ROBO2: variants seen among roughly 807,000 people sequenced by gnomAD.
ROBO2 encodes roundabout homolog 2.
ROBO2 carries 53 observed loss-of-function variants against 160.8 expected under a neutral mutation model. That is an observed-to-expected ratio of 0.33 (90% CI 0.26 to 0.41). The LOEUF (loss-of-function observed/expected upper bound fraction) is 0.41. Among genes scored for constraint, ROBO2 ranks in the 10% least tolerant of loss-of-function variants. ROBO2 has a pLI of 1.00. For synonymous variants in ROBO2, 664 were observed against 611.7 expected (o/e 1.09, Z -1.26); for missense variants, 1,577 against 1,722.4 (o/e 0.92, Z 1.49).
chr3:77,088,794 A>G (rs1314397014), intron 1 of ROBO2, among the ~76,000 whole-genome samples: 1 of 152,218 alleles, frequency 6.6e-6, no homozygotes, highest in African/African-American at 2.4e-5. Context: ...GACAGCAGAT[A>G]CAAGACCTAC....
intron 2 of ROBO2, among the ~76,000 whole-genome samples, chr3:76,106,405 A>T (rs2069934577): frequency 6.6e-6 from 1 of 152,176 alleles, no homozygotes; most frequent in South Asian, 2.1e-4. Context: ...ATTAATTCAA[A>T]AATAAGAAAA....
chr3:76,238,335 G>A (rs980392799), intron 2 of ROBO2, among the ~76,000 whole-genome samples: 2 of 152,144 alleles, frequency 1.3e-5, no homozygotes, highest in African/African-American at 2.4e-5. Context: ...ACTTCTTCAC[G>A]TGGTAGCAGG....
intron 2 of ROBO2, among the ~76,000 whole-genome samples, chr3:76,801,273 G>A (rs1210484441): frequency 6.6e-6 from 1 of 152,134 alleles, no homozygotes; most frequent in African/African-American, 2.4e-5. Context: ...GGGTCGTGTG[G>A]GAGTGGGAAA....
intron 1 of ROBO2, among the ~76,000 whole-genome samples, chr3:77,090,323 C>CTTTTTTT (rs542280937): frequency 1.3e-4 from 9 of 70,754 alleles, no homozygotes; most frequent in Admixed American, 3.6e-4. Context: ...CTAAACCACT[C>CTTTTTTT]TTTTTTTTTT....
intron 2 of ROBO2, among the ~76,000 whole-genome samples, chr3:76,534,086 A>G (rs1377570040): frequency 1.3e-5 from 2 of 152,148 alleles, no homozygotes; most frequent in African/African-American, 2.4e-5. Context: ...ATAAGAAAAG[A>G]TAAAGAATAT....
intron 2 of ROBO2, among the ~76,000 whole-genome samples, chr3:76,764,571 T>A (rs545772286): frequency 6.6e-6 from 1 of 151,874 alleles, no homozygotes; most frequent in South Asian, 2.1e-4. Context: ...TTTTCCAGGC[T>A]CATCTTTTAC....
At chr3:76,109,179 C>G (rs943370676) in intron 2 of ROBO2, among the ~76,000 whole-genome samples, 1 of 151,858 alleles carries the variant, frequency 6.6e-6, no homozygotes, top group Non-Finnish European at 1.5e-5. Flanking sequence ...AATAAACTAT[C>G]GCATGGATAG....
chr3:77,194,835 T>C (rs1468031406), intron 2 of ROBO2, among the ~76,000 whole-genome samples: 1 of 152,208 alleles, frequency 6.6e-6, no homozygotes, highest in African/African-American at 2.4e-5. Context: ...GGAATAGTTA[T>C]AGTATAAAGC....
chr3:76,437,994 A>C (rs994149027), intron 2 of ROBO2, among the ~76,000 whole-genome samples: 5 of 152,110 alleles, frequency 3.3e-5, no homozygotes, highest in African/African-American at 1.2e-4. Flanking sequence ...ACTTCTCTCA[A>C]CGATGTAAGA....
intron 2 of ROBO2, among the ~76,000 whole-genome samples, chr3:77,372,832 C>T (rs953312435): frequency 6.6e-6 from 1 of 151,944 alleles, no homozygotes; most frequent in Non-Finnish European, 1.5e-5. Context: ...GGCTTTATTA[C>T]TACAAGATTT....
intron 2 of ROBO2, among the ~76,000 whole-genome samples, chr3:77,119,480 G>A (rs1241232792): frequency 1.3e-5 from 2 of 152,138 alleles, no homozygotes; most frequent in South Asian, 2.1e-4. Flanking sequence ...CAAACCAGTA[G>A]CATGAACACT....
chr3:77,404,407 G>A (rs1301035506), intron 2 of ROBO2, among the ~76,000 whole-genome samples: 1 of 152,084 alleles, frequency 6.6e-6, no homozygotes. Context: ...CATTTTAAGA[G>A]CCTACAGATG....
chr3:75,971,371 G>T (rs147571136), intron 2 of ROBO2, among the ~76,000 whole-genome samples: 2 of 151,346 alleles, frequency 1.3e-5, no homozygotes, highest in African/African-American at 4.8e-5. Context: ...AGTGATGAAG[G>T]CATCAAAAAC....
At chr3:76,352,391 G>A (rs1300103364) in intron 2 of ROBO2, among the ~76,000 whole-genome samples, 1 of 151,874 alleles carries the variant, frequency 6.6e-6, no homozygotes, top group Non-Finnish European at 1.5e-5. Context: ...CTCTCAATTT[G>A]TTTCATTCTT....
intron 2 of ROBO2, among the ~76,000 whole-genome samples, chr3:76,365,629 T>C (rs2075771408): frequency 6.6e-6 from 1 of 152,114 alleles, no homozygotes; most frequent in African/African-American, 2.4e-5. Context: ...TGAGAAATGC[T>C]GATTTTCATA....
chr3:77,356,280 T>C (rs1460097922), intron 2 of ROBO2, among the ~76,000 whole-genome samples: 1 of 152,114 alleles, frequency 6.6e-6, no homozygotes, highest in Non-Finnish European at 1.5e-5. Flanking sequence ...AGCATGATTC[T>C]ACTGATAGCT....
intron 2 of ROBO2, among the ~76,000 whole-genome samples, chr3:76,602,553 A>T (rs2087239407): frequency 1.3e-5 from 2 of 152,244 alleles, no homozygotes; most frequent in African/African-American, 4.8e-5. Flanking sequence ...AATGCGAATC[A>T]AGTGAAAGGG....
intron 2 of ROBO2, among the ~76,000 whole-genome samples, chr3:76,939,700 C>T (rs1233874335): frequency 1.3e-5 from 2 of 152,120 alleles, no homozygotes; most frequent in African/African-American, 2.4e-5. Flanking sequence ...AAGAGAATTA[C>T]TTGAACCCAG....
At chr3:77,080,116 T>G (rs566039777) in intron 1 of ROBO2, among the ~76,000 whole-genome samples, 1 of 152,340 alleles carries the variant, frequency 6.6e-6, no homozygotes, top group Non-Finnish European at 1.5e-5. Context: ...TTTTGTGTCC[T>G]GTGCTTTTTC....
Sources: allele counts gnomAD v4.1 joint callset (sites outside exome capture counted in the v4.1 genomes callset), GRCh38; gene constraint gnomAD v4.1.1; transcripts MANE v1.5; gene names NCBI Gene and HGNC (gene_info 2026-07-23, HGNC 2026-07-21).